The following RFFL variants were observed in gnomAD, a reference collection of about 807,000 sequenced individuals.
RFFL encodes E3 ubiquitin-protein ligase rififylin.
RFFL carries 16 observed loss-of-function variants against 40.4 expected under a neutral mutation model. The ratio of observed to expected loss-of-function variants is 0.40; its 90% CI spans 0.27 to 0.60. The LOEUF (loss-of-function observed/expected upper bound fraction) is 0.60, where lower values mean the gene tolerates loss of function less well. RFFL is among the 20% of genes least tolerant of loss of function. RFFL has a pLI of 0.47. For synonymous variants in RFFL, 154 were observed against 167.9 expected (o/e 0.92, Z 0.64); for missense variants, 367 against 451.7 (o/e 0.81, Z 1.70).
chr17:35,026,714 C>T (rs1023867881), intron 1 of RFFL, 153 bp from the exon 2 acceptor site: 1 of 644,182 alleles, frequency 1.6e-6, no homozygotes, highest in African/African-American at 1.9e-5. Context: ...TTTTGTTTTT[C>T]TTCTTTTTGA....
intron 1 of RFFL, among the ~76,000 whole-genome samples, chr17:35,070,074 G>C (rs1363848688): frequency 6.6e-6 from 1 of 150,596 alleles, no homozygotes; most frequent in Non-Finnish European, 1.5e-5. Flanking sequence ...ACGTGCAAAA[G>C]AGCGAGCGAG....
At chr17:35,066,602 T>C (rs2091322077), upstream of RFFL, among the ~76,000 whole-genome samples, 1 of 152,260 alleles carries the variant, frequency 6.6e-6, no homozygotes, top group East Asian at 1.9e-4. Context: ...ATTTTAAAGT[T>C]TGTATCACTT....
At chr17:35,019,951 C>T (rs575008320) in intron 3 of RFFL, among the ~76,000 whole-genome samples, 5 of 152,270 alleles carry the variant, frequency 3.3e-5, no homozygotes, top group Admixed American at 6.5e-5. Context: ...ATCAGGGGGC[C>T]CAGTCCTGGC....
At chr17:35,082,555 TCTTAA>T (rs1238377126) in intron 1 of RFFL, among the ~76,000 whole-genome samples, 2 of 152,238 alleles carry the variant, frequency 1.3e-5, no homozygotes, top group African/African-American at 2.4e-5. Context: ...ATTCTCTGGT[TCTTAA>T]CTTTAGTCCT....
rs1469366234 is a variant in RFFL, at chr17:35,007,880, C to T, written c.*4088G>A. The stretch of plus-strand genomic sequence containing the variant: ...TCCCAAGTGGCTAAGACTTAACAAA[C>T]AGGCACACACCATCACTCGCAGCTA... On this transcript the variant is annotated 3_prime_UTR_variant, in exon 7 of 7. Transcript: ENST00000394597. 6.6e-6 allele frequency: 1 copy of T among 152,260 alleles called. No homozygotes were observed. Among genetic ancestry groups the T allele is most frequent in the East Asian group, 1.9e-4 (1 of 5,178 alleles). The allele number at this position is 152,260 out of a possible 1,614,324, so 9.4% of individuals were successfully genotyped here.
intron 1 of RFFL, among the ~76,000 whole-genome samples, chr17:35,087,312 C>T (rs1384558134): frequency 1.3e-5 from 2 of 151,654 alleles, no homozygotes; most frequent in Non-Finnish European, 2.9e-5. Context: ...GATTACGCCA[C>T]TGCACGCCAG....
chr17:35,034,092 G>C (rs140707949), intron 1 of RFFL, among the ~76,000 whole-genome samples: 3 of 150,394 alleles, frequency 2.0e-5, no homozygotes, highest in Non-Finnish European at 4.4e-5. Flanking sequence ...GCAGTGAGCC[G>C]AGATCGCACC....
At chr17:35,061,542 C>T (rs945690442) in intron 1 of RFFL, among the ~76,000 whole-genome samples, 1 of 152,114 alleles carries the variant, frequency 6.6e-6, no homozygotes, top group Non-Finnish European at 1.5e-5. Flanking sequence ...ATTGAAACCT[C>T]CACCTCCTGG....
In RFFL at chr17:35,026,579, AG is replaced by A; in HGVS notation, c.-8-19del. ...GATAAAATCTGGTGCAAGGGAGGAA[AG>A]GGGAAAAGGTCAGAGTTAAGACACA... On this transcript the variant is annotated intron_variant, in intron 1 of 6. Coordinates refer to ENST00000394597, the MANE Select transcript of RFFL (RefSeq NM_001017368.2). 1 of 1,606,286 alleles carries A rather than the reference AG, an allele frequency of 6.2e-7. No individual in the cohort carries two copies. Among genetic ancestry groups the A allele is most frequent in the Non-Finnish European group, 8.5e-7 (1 of 1,175,522 alleles).
At chr17:35,025,944 A>T (rs1369546616) in intron 2 of RFFL, among the ~76,000 whole-genome samples, 1 of 152,236 alleles carries the variant, frequency 6.6e-6, no homozygotes, top group Admixed American at 6.5e-5. Context: ...TTAATCTGCA[A>T]TCAGGCCTTT....
At chr17:35,012,962 G>A (rs2090950242) in intron 6 of RFFL, among the ~76,000 whole-genome samples, 1 of 152,164 alleles carries the variant, frequency 6.6e-6, no homozygotes, top group South Asian at 2.1e-4. Context: ...TATATGGTAG[G>A]TACTCTAAAT....
intron 2 of RFFL, chr17:35,025,454 T>G (rs902546021): frequency 6.6e-6 from 1 of 152,274 alleles, no homozygotes; most frequent in Non-Finnish European, 1.5e-5. Context: ...GTTTCTCATA[T>G]GTAAAATGGG....
intron 4 of RFFL, 87 bp downstream of exon 4, chr17:35,017,436 C>G (rs1210058541): frequency 2.4e-6 from 2 of 837,380 alleles, no homozygotes; most frequent in African/African-American, 3.4e-5. Context: ...CACATTTATT[C>G]TCTCTCCACT....
chr17:35,020,886 C>T (rs777970836), intron 3 of RFFL, among the ~76,000 whole-genome samples: 8 of 152,194 alleles, frequency 5.3e-5, no homozygotes, highest in Non-Finnish European at 1.0e-4. Context: ...CAGCCAGTGA[C>T]TGGTAAGAGA....
rs1400789241 is a variant in RFFL, at chr17:35,014,774, AAG to A, written c.887-13_887-12del. ...CTTCGGCACCACTGACTGAAAAGGAAAGAGAAGGATGTCTGAATAGGTAAGGC... is the reference window on the plus strand; with the variant it reads ...CTTCGGCACCACTGACTGAAAAGGAAAGAAGGATGTCTGAATAGGTAAGGC... On this transcript the variant is annotated splice_polypyrimidine_tract_variant and intron_variant, in intron 5 of 6. Coordinates refer to ENST00000394597, the MANE Select transcript of RFFL (RefSeq NM_001017368.2). 6.8e-6 allele frequency: 11 copies of A among 1,612,842 alleles called. No homozygotes were observed. The highest frequency in any genetic ancestry group is 9.3e-6 in the Non-Finnish European group (11 of 1,178,838).
intron 1 of RFFL, among the ~76,000 whole-genome samples, chr17:35,031,083 G>A (rs1308427164): frequency 6.6e-6 from 1 of 152,034 alleles, no homozygotes; most frequent in Non-Finnish European, 1.5e-5. Flanking sequence ...CTTGTCCCCT[G>A]CAAAGAGGAC....
chr17:35,089,139 G>A (rs1372587297), exon 1 of RFFL: 1 of 152,176 alleles, frequency 6.6e-6, no homozygotes, highest in Non-Finnish European at 1.5e-5. Flanking sequence ...GCACCTAGGA[G>A]AGGAGGCGAG....
intron 1 of RFFL, among the ~76,000 whole-genome samples, chr17:35,086,604 A>G (rs1407930684): frequency 6.6e-6 from 1 of 152,222 alleles, no homozygotes; most frequent in Non-Finnish European, 1.5e-5. Context: ...TAAACCAGTA[A>G]CCATTACCAA....
intron 6 of RFFL, among the ~76,000 whole-genome samples, chr17:35,012,596 G>C (rs1349183284): frequency 6.6e-6 from 1 of 152,164 alleles, no homozygotes; most frequent in Admixed American, 6.5e-5. Context: ...TGTGATGAAT[G>C]GTTCATTAAG....
Sources: gnomAD v4.1 joint callset for allele counts (sites outside exome capture counted in the v4.1 genomes callset) on GRCh38, gnomAD v4.1.1 for gene constraint, MANE v1.5 for transcripts, NCBI Gene and HGNC (gene_info 2026-07-23, HGNC 2026-07-21) for gene names.